Variants in PTPRF observed in about 807,000 individuals in gnomAD.
The protein encoded by PTPRF is protein tyrosine phosphatase receptor type F.
PTPRF carries 59 observed loss-of-function variants against 201.8 expected under a neutral mutation model. That is an observed-to-expected ratio of 0.29 (90% CI 0.24 to 0.36). The LOEUF (loss-of-function observed/expected upper bound fraction) is 0.36, where lower values mean the gene tolerates loss of function less well. Among genes scored for constraint, PTPRF ranks in the 10% least tolerant of loss-of-function variants. PTPRF has a pLI of 1.00. For missense variants in PTPRF, 2,132 were observed against 2,690.5 expected (o/e 0.79, Z 4.59); for synonymous variants, 1,088 against 1,089.7 (o/e 1.00, Z 0.03).
At chr1:43,536,607 A>G (rs917952639) in intron 1 of PTPRF, among the ~76,000 whole-genome samples, 2 of 152,222 alleles carry the variant, frequency 1.3e-5, no homozygotes, top group African/African-American at 2.4e-5. Flanking sequence ...TGGTGCAGCC[A>G]AAAACCTCAC....
chr1:43,570,843 G>A (rs991306749), intron 6 of PTPRF, among the ~76,000 whole-genome samples: 3 of 152,244 alleles, frequency 2.0e-5, no homozygotes, highest in African/African-American at 7.2e-5. Context: ...CAGCTGTAGC[G>A]CAGTTAATTA....
In PTPRF at chr1:43,553,798, AGGTCATTGAGTTTGATGATGGGGCAG is replaced by A; in HGVS notation, c.242_267del (p.Ile81SerfsTer13). The A allele has an allele frequency of 1.2e-6, 2 of 1,614,108 alleles. No homozygotes were observed. Among genetic ancestry groups the A allele is most frequent in the Non-Finnish European group, 1.7e-6 (2 of 1,180,018 alleles). ...TGTGACCCCATGTCTGTCCTCTGACAGGTCATTGAGTTTGATGATGGGGCAGGGTCAGTGCTTCGGATCCAGCCATT... is the reference window on the plus strand; with the variant it reads ...TGTGACCCCATGTCTGTCCTCTGACAGGTCAGTGCTTCGGATCCAGCCATT... On this transcript the variant is annotated splice_acceptor_variant and coding_sequence_variant, in exon 5 of 34. Transcript: ENST00000359947. LOFTEE classifies it high-confidence loss of function. This position sits in a 1 kb window ranked among gnomAD's most constrained non-coding sequence, Gnocchi z 4.1.
At position 43,546,921 on chromosome 1, in the gene PTPRF, C is replaced by T. The variant is rs1569632751; in HGVS notation, c.91+1755C>T. Among the ~76,000 whole-genome samples, 3 of 152,320 alleles carry T rather than the reference C, an allele frequency of 2.0e-5. No individual in the cohort carries two copies. The highest frequency in any genetic ancestry group is 2.0e-4 in the Admixed American group (3 of 15,292). On this transcript the variant is annotated intron_variant, in intron 3 of 33. Coordinates refer to ENST00000359947, the MANE Select transcript of PTPRF (RefSeq NM_002840.5). This position sits in a 1 kb window ranked among gnomAD's most constrained non-coding sequence, Gnocchi z 4.2. ...GGAATGCATCCACTTCTCTCTCTAC[C>T]GCCTTCATCCAAGCCACCCTCGGCT... is the stretch of plus-strand genomic sequence containing the variant.
intron 11 of PTPRF, among the ~76,000 whole-genome samples, chr1:43,597,057 G>A (rs1357224109): frequency 3.9e-5 from 6 of 152,042 alleles, no homozygotes; most frequent in Admixed American, 1.3e-4. Flanking sequence ...CTATGTATGT[G>A]ACAGTGTGTG....
chr1:43,523,795 C>T (rs1281826387), upstream of PTPRF, among the ~76,000 whole-genome samples: 4 of 151,984 alleles, frequency 2.6e-5, no homozygotes. Context: ...GCCTATAATC[C>T]CAGCAACTTT....
intron 5 of PTPRF, among the ~76,000 whole-genome samples, chr1:43,563,479 A>C (rs1386668934): frequency 2.0e-5 from 3 of 152,266 alleles, no homozygotes; most frequent in African/African-American, 7.2e-5. Context: ...GAAATAGCAA[A>C]TCTCAGGAGG....
chr1:43,586,607 C>T (rs1310116873), intron 7 of PTPRF, among the ~76,000 whole-genome samples: 1 of 152,220 alleles, frequency 6.6e-6, no homozygotes, highest in Admixed American at 6.5e-5. Context: ...CTTATACCAG[C>T]GTAAGCAAAA....
rs913775783 is a variant in PTPRF, at chr1:43,588,268, T to C, written c.680-463T>C. ...GCTGTGTCCCTCTGGACTGGCCTTC[T>C]GCTCTGCCCAGCCATGCTCTGAGGA... On this transcript the variant is annotated intron_variant, in intron 7 of 33. Transcript: ENST00000359947. This position sits in a 1 kb window ranked among gnomAD's most constrained non-coding sequence, Gnocchi z 5.3. Among the ~76,000 whole-genome samples the C allele has an allele frequency of 2.0e-5, 3 of 152,194 alleles. No homozygotes were observed. Among genetic ancestry groups the C allele is most frequent in the Non-Finnish European group, 4.4e-5 (3 of 68,024 alleles).
chr1:43,613,021 C>A, intron 22 of PTPRF: 2 of 370,922 alleles, frequency 5.4e-6, no homozygotes, highest in Non-Finnish European at 1.0e-5. Context: ...CCACCGGCCC[C>A]GTCTCTGTTC....
chr1:43,617,571 G>T lies in PTPRF; in HGVS notation c.4195+3G>T. Reference sequence around the variant, plus strand: ...AGTCATCCTTACCTCTATCGATGGTGAGCCAAGGGGGTGCCCCTCCCATCC... The same window carrying T: ...AGTCATCCTTACCTCTATCGATGGTTAGCCAAGGGGGTGCCCCTCCCATCC... On this transcript the variant is annotated splice_donor_region_variant and intron_variant, in intron 24 of 33. Coordinates refer to ENST00000359947, the MANE Select transcript of PTPRF (RefSeq NM_002840.5). 1 of 1,613,872 alleles carries T rather than the reference G, an allele frequency of 6.2e-7. No individual in the cohort carries two copies. The highest frequency in any genetic ancestry group is 8.5e-7 in the Non-Finnish European group (1 of 1,179,976).
chr1:43,606,868 G>C lies in PTPRF; in HGVS notation c.3757G>C (p.Ala1253Pro). The C allele has an allele frequency of 6.2e-7, 1 of 1,614,166 alleles. No homozygotes were observed. Among genetic ancestry groups the C allele is most frequent in the South Asian group, 1.1e-5 (1 of 91,084 alleles). Residue 1253 changes from alanine (A) to proline (P), a missense_variant, in exon 21 of 34, where the codon GCC becomes CCC. Transcript: ENST00000359947. ...TGAGATCGTGGTCCAGGTGACACCA[G>C]CCCAGCAGCAGGAGGAGCCGGAGAT... ...SDEIVVQVTPAQQQEEPEMLW... is the reference protein window; with the variant it reads ...SDEIVVQVTPPQQQEEPEMLW...
intron 11 of PTPRF, among the ~76,000 whole-genome samples, chr1:43,597,174 T>C (rs565630894): frequency 2.0e-5 from 3 of 151,396 alleles, no homozygotes. Flanking sequence ...TGTGAGACAC[T>C]ATGTGTATGT....
At chr1:43,575,122 G>A (rs1034602265) in intron 6 of PTPRF, among the ~76,000 whole-genome samples, 18 of 152,204 alleles carry the variant, frequency 1.2e-4, no homozygotes, top group African/African-American at 4.1e-4. Flanking sequence ...TGCACAGGGG[G>A]CTTGAGCCTC....
In PTPRF at chr1:43,591,057, G is replaced by A. The variant is rs1297706046; in HGVS notation, c.1035G>A (p.Glu345=). The A allele has an allele frequency of 1.2e-6, 2 of 1,613,924 alleles. No homozygotes were observed. The highest frequency in any genetic ancestry group is 4.5e-5 in the East Asian group (2 of 44,894). The change falls in exon 9 of 34, where the codon GAG becomes GAA. Residue 345 remains glutamate, a synonymous_variant. Coordinates refer to ENST00000359947, the MANE Select transcript of PTPRF (RefSeq NM_002840.5). Reference sequence around the variant, plus strand: ...TCACCTGGGACTCTGGGAACTCGGAGCCTGTAACCTACTATGGCATCCAGT... The same window carrying A: ...TCACCTGGGACTCTGGGAACTCGGAACCTGTAACCTACTATGGCATCCAGT... The part of the protein sequence containing the change: ...VTLTWDSGNS[E]PVTYYGIQYR...
chr1:43,579,448 C>T (rs751827871), intron 7 of PTPRF: 3 of 349,556 alleles, frequency 8.6e-6, no homozygotes, highest in Non-Finnish European at 1.7e-5. Context: ...CTGGAGCCTT[C>T]CTGGAGGAAC....
intron 13 of PTPRF, among the ~76,000 whole-genome samples, chr1:43,601,802 T>C (rs12059628): frequency 0.37 from 56,070 of 152,038 alleles, 10,734 homozygotes; most frequent in East Asian, 0.56. Flanking sequence ...TCTTAGGGCC[T>C]TCTGTCAGCG....
chr1:43,607,113 A>G (rs1655313801), intron 21 of PTPRF, 145 bp downstream of exon 21: 2 of 1,154,816 alleles, frequency 1.7e-6, no homozygotes, highest in Non-Finnish European at 2.4e-6. Flanking sequence ...GAAGGGCAGG[A>G]GCAGTGTGTG....
In PTPRF at chr1:43,591,052, T is replaced by C. The variant is rs775100398; in HGVS notation, c.1030T>C (p.Ser344Pro). ...CACCCTCACCTGGGACTCTGGGAAC[T>C]CGGAGCCTGTAACCTACTATGGCAT... ...SVTLTWDSGN[S>P]EPVTYYGIQY... The change falls in exon 9 of 34, where the codon TCG becomes CCG. Residue 344 changes from serine to proline, a missense_variant. Coordinates refer to ENST00000359947, the MANE Select transcript of PTPRF (RefSeq NM_002840.5). 10 of 1,614,034 alleles carry C rather than the reference T, an allele frequency of 6.2e-6. No homozygotes were observed. Among genetic ancestry groups the C allele is most frequent in the Non-Finnish European group, 7.6e-6 (9 of 1,180,030 alleles).
At chr1:43,575,188 A>G (rs923396416) in intron 6 of PTPRF, among the ~76,000 whole-genome samples, 1 of 152,174 alleles carries the variant, frequency 6.6e-6, no homozygotes, top group African/African-American at 2.4e-5. Flanking sequence ...AGGCCTGGAT[A>G]TGGAGGGTGA....
Sources: gnomAD v4.1 joint callset for allele counts (sites outside exome capture counted in the v4.1 genomes callset) on GRCh38, gnomAD v4.1.1 for gene constraint, Gnocchi (gnomAD v3.1) non-coding constraint, MANE v1.5 for transcripts, NCBI Gene and HGNC (gene_info 2026-07-23, HGNC 2026-07-21) for gene names.